Variants in OR5AN1 observed in about 807,000 individuals in gnomAD.
OR5AN1 encodes olfactory receptor family 5 subfamily AN member 1.
For missense variants in OR5AN1, 476 were observed against 368.9 expected (o/e 1.29, Z -2.38); for synonymous variants, 167 against 131.8 (o/e 1.27, Z -1.83).
At chr11:59,363,824 A>G (rs1009278482) in intron 1 of OR5AN1, among the ~76,000 whole-genome samples, 2 of 152,184 alleles carry the variant, frequency 1.3e-5, no homozygotes, top group Non-Finnish European at 2.9e-5. Context: ...GAGCAGCAGC[A>G]TGATCTCACC....
chr11:59,371,685 T>C lies in OR5AN1; in HGVS notation c.*6291T>C, dbSNP rs567320036. 17 of 152,314 alleles carry C rather than the reference T, an allele frequency of 1.1e-4. No individual in the cohort carries two copies. The highest frequency in any genetic ancestry group is 4.1e-4 in the African/African-American group (17 of 41,574). The allele number at this position is 152,314 out of a possible 1,614,324, so 9.4% of individuals were successfully genotyped here. A position where few individuals can be genotyped will look rare whatever the true frequency, so the allele number is the denominator to read the frequency against. ...CCAGGGACAAATTTGGAAAAAATTATAGGATAGGCAACAGATAAAGGTATG... is the reference window on the plus strand; with the variant it reads ...CCAGGGACAAATTTGGAAAAAATTACAGGATAGGCAACAGATAAAGGTATG... On this transcript the variant is annotated 3_prime_UTR_variant, in exon 2 of 2. Transcript: ENST00000641998.
At position 59,367,563 on chromosome 11, in the gene OR5AN1, A is replaced by G. The variant is rs1159143069; in HGVS notation, c.*2169A>G. ...CACTGGCTTGGAATTCCAGACAGCT[A>G]CCAGTAGTGGCATTGTACCTCCCTA... On this transcript the variant is annotated 3_prime_UTR_variant, in exon 2 of 2. Coordinates refer to ENST00000641998, the MANE Select transcript of OR5AN1 (RefSeq NM_001004729.2). 1 of 152,274 alleles carries G rather than the reference A, an allele frequency of 6.6e-6. No homozygotes were observed. The highest frequency in any genetic ancestry group is 1.5e-5 in the Non-Finnish European group (1 of 68,108). The allele number at this position is 152,274 out of a possible 1,614,324, so 9.4% of individuals were successfully genotyped here. A position where few individuals can be genotyped will look rare whatever the true frequency, so the allele number is the denominator to read the frequency against.
In OR5AN1 at chr11:59,368,910, G is replaced by A. The variant is rs182168462; in HGVS notation, c.*3516G>A. On this transcript the variant is annotated 3_prime_UTR_variant, in exon 2 of 2. Transcript: ENST00000641998. ...ACAGCTGCAAATGTGAGGAAACATA[G>A]GGGAGCCACACAACAGAACAAGAGT... 7 of 152,324 alleles carry A rather than the reference G, an allele frequency of 4.6e-5. No individual in the cohort carries two copies. The East Asian group carries it at 1.4e-3, about 29-fold the overall frequency. 9.4% of individuals were successfully genotyped at this position (152,324 alleles called of 1,614,324 possible). A position where few individuals can be genotyped will look rare whatever the true frequency, so the allele number is the denominator to read the frequency against.
chr11:59,365,482 AT>A lies in OR5AN1; in HGVS notation c.*90del. ...ATGATAATGAATGGACTATAACAAA[AT>A]TCATGCTGCCTACTGCCTTTGGACA... On this transcript the variant is annotated 3_prime_UTR_variant, in exon 2 of 2. Coordinates refer to ENST00000641998, the MANE Select transcript of OR5AN1 (RefSeq NM_001004729.2). 1 of 785,684 alleles carries A rather than the reference AT, an allele frequency of 1.3e-6. No homozygotes were observed. Among genetic ancestry groups the A allele is most frequent in the Non-Finnish European group, 2.0e-6 (1 of 501,534 alleles). 48.7% of individuals were successfully genotyped at this position (785,684 alleles called of 1,614,324 possible).
chr11:59,362,224 C>T (rs1857472714), intron 1 of OR5AN1, among the ~76,000 whole-genome samples: 1 of 152,072 alleles, frequency 6.6e-6, no homozygotes, highest in Non-Finnish European at 1.5e-5. Context: ...TATTTTCCCC[C>T]ATTCATCAAC....
chr11:59,363,001 A>G (rs559422687), intron 1 of OR5AN1, among the ~76,000 whole-genome samples: 2 of 151,444 alleles, frequency 1.3e-5, no homozygotes, highest in Admixed American at 1.3e-4. Context: ...TGGCATGGAC[A>G]CTAGGTCTCA....
rs1857574311 is a variant in OR5AN1 at position 59,369,829 on chromosome 11, T to A, written c.*4435T>A. 6.6e-6 allele frequency: 1 copy of A among 151,894 alleles called. No individual in the cohort carries two copies. The highest frequency in any genetic ancestry group is 1.5e-5 in the Non-Finnish European group (1 of 67,966). 9.4% of individuals were successfully genotyped at this position (151,894 alleles called of 1,614,324 possible). A position where few individuals can be genotyped will look rare whatever the true frequency, so the allele number is the denominator to read the frequency against. ...CACATAATCATTATGTTTTCCAAGG[T>A]CAAAATAAAAGAATGTTAAAGGCAG... On this transcript the variant is annotated 3_prime_UTR_variant, in exon 2 of 2. Coordinates refer to ENST00000641998, the MANE Select transcript of OR5AN1 (RefSeq NM_001004729.2).
chr11:59,360,225 AG>A (rs1857448708), intron 1 of OR5AN1: 1 of 152,206 alleles, frequency 6.6e-6, no homozygotes, highest in African/African-American at 2.4e-5. Flanking sequence ...GTAATAAAAA[AG>A]TAAAGAGTTT....
intron 1 of OR5AN1, among the ~76,000 whole-genome samples, chr11:59,363,195 C>T (rs968497155): frequency 7.9e-5 from 12 of 152,220 alleles, no homozygotes; most frequent in African/African-American, 2.9e-4. Flanking sequence ...TGAACAATTG[C>T]TGTATACGTA....
Position 59,359,064 on chromosome 11 carries a change from G to A in OR5AN1, c.-222G>A, listed in dbSNP as rs1857436092. 6.6e-6 allele frequency: 1 copy of A among 152,156 alleles called. No homozygotes were observed. Among genetic ancestry groups the A allele is most frequent in the Non-Finnish European group, 1.5e-5 (1 of 68,020 alleles). The allele number at this position is 152,156 out of a possible 1,614,324, so 9.4% of individuals were successfully genotyped here. On this transcript the variant is annotated 5_prime_UTR_variant, in exon 1 of 2. Transcript: ENST00000641998. The stretch of plus-strand genomic sequence containing the variant: ...GGTAAAGGTCACAGGACAAGACTTA[G>A]AACAGTGGATTCTGTACCGTCTCAA...
chr11:59,361,997 T>C (rs1857469844), intron 1 of OR5AN1, among the ~76,000 whole-genome samples: 2 of 151,944 alleles, frequency 1.3e-5, no homozygotes, highest in South Asian at 4.2e-4. Context: ...TGTGTGTGTG[T>C]GTGTGTGTGT....
At chr11:59,364,134 T>A (rs1223839897) in intron 1 of OR5AN1, among the ~76,000 whole-genome samples, 2 of 152,216 alleles carry the variant, frequency 1.3e-5, no homozygotes, top group African/African-American at 4.8e-5. Flanking sequence ...AAAACTATTA[T>A]CTTAATTAGT....
At position 59,359,017 on chromosome 11, in the gene OR5AN1, C is replaced by A. The variant is rs548942941; in HGVS notation, c.-269C>A. 1.3e-5 allele frequency: 2 copies of A among 152,200 alleles called. No individual in the cohort carries two copies. Among genetic ancestry groups the A allele is most frequent in the Admixed American group, 6.5e-5 (1 of 15,284 alleles). 9.4% of individuals were successfully genotyped at this position (152,200 alleles called of 1,614,324 possible). A position where few individuals can be genotyped will look rare whatever the true frequency, so the allele number is the denominator to read the frequency against. On this transcript the variant is annotated 5_prime_UTR_variant, in exon 1 of 2. Coordinates refer to ENST00000641998, the MANE Select transcript of OR5AN1 (RefSeq NM_001004729.2). ...AAGCAATTTCAACCTTTGGCAAGAA[C>A]CCTGTCTTCTTGGAGGACCTGGGTA... is the stretch of plus-strand genomic sequence containing the variant.
chr11:59,360,493 T>G (rs896817872), intron 1 of OR5AN1, among the ~76,000 whole-genome samples: 2 of 152,228 alleles, frequency 1.3e-5, no homozygotes, highest in African/African-American at 4.8e-5. Flanking sequence ...GTAAATGTGT[T>G]TCATGGTGGT....
At position 59,361,425 on chromosome 11, in the gene OR5AN1, C is replaced by T. The variant is rs138341787; in HGVS notation, c.-14+2153C>T. On this transcript the variant is annotated intron_variant, in intron 1 of 1. Coordinates refer to ENST00000641998, the MANE Select transcript of OR5AN1 (RefSeq NM_001004729.2). ...CCTCCCAAGTAGGTGGGACTACAGGCGTGCGCCACAAAGCCTGGCTAATTT... is the reference window on the plus strand; with the variant it reads ...CCTCCCAAGTAGGTGGGACTACAGGTGTGCGCCACAAAGCCTGGCTAATTT... 2.1e-3 allele frequency among the ~76,000 whole-genome samples: 319 copies of T among 152,216 alleles called. 2 individuals are homozygous for T. Among genetic ancestry groups the T allele is most frequent in the African/African-American group, 7.0e-3 (290 of 41,524 alleles).
Position 59,367,251 on chromosome 11 carries a change from T to G in OR5AN1, c.*1857T>G, listed in dbSNP as rs998152261. 6.6e-6 allele frequency: 1 copy of G among 152,318 alleles called. No individual in the cohort carries two copies. Among genetic ancestry groups the G allele is most frequent in the Non-Finnish European group, 1.5e-5 (1 of 68,088 alleles). The allele number at this position is 152,318 out of a possible 1,614,324, so 9.4% of individuals were successfully genotyped here. A position where few individuals can be genotyped will look rare whatever the true frequency, so the allele number is the denominator to read the frequency against. On this transcript the variant is annotated 3_prime_UTR_variant, in exon 2 of 2. Coordinates refer to ENST00000641998, the MANE Select transcript of OR5AN1 (RefSeq NM_001004729.2). The stretch of plus-strand genomic sequence containing the variant: ...AACAGAAGGGGTGAGCATTAGGTCT[T>G]TGCAACCCTCAAGTCAGGAGATCTC...
rs1460950045 is a variant in OR5AN1, at chr11:59,365,691, A to G, written c.*297A>G. 3.7e-6 allele frequency: 1 copy of G among 272,900 alleles called. No individual in the cohort carries two copies. Among genetic ancestry groups the G allele is most frequent in the Non-Finnish European group, 6.8e-6 (1 of 146,056 alleles). 16.9% of individuals were successfully genotyped at this position (272,900 alleles called of 1,614,324 possible). A position where few individuals can be genotyped will look rare whatever the true frequency, so the allele number is the denominator to read the frequency against. ...ATTTGTGAAACAACAAGATTTAGAA[A>G]TCTTTTGTTTCCTGTGGCTTCTCAG... On this transcript the variant is annotated 3_prime_UTR_variant, in exon 2 of 2. Transcript: ENST00000641998.
At chr11:59,360,803 G>A (rs901659893) in intron 1 of OR5AN1, among the ~76,000 whole-genome samples, 8 of 152,024 alleles carry the variant, frequency 5.3e-5, no homozygotes, top group African/African-American at 1.7e-4. Context: ...TCCTTTTTAT[G>A]GCTATTCTAA....
intron 1 of OR5AN1, among the ~76,000 whole-genome samples, chr11:59,360,591 C>A (rs1448916652): frequency 6.6e-6 from 1 of 152,110 alleles, no homozygotes; most frequent in Non-Finnish European, 1.5e-5. Context: ...CTCACTCCAC[C>A]CCCTGACAGG....
Sources: gnomAD v4.1 joint callset for allele counts (sites outside exome capture counted in the v4.1 genomes callset) on GRCh38, gnomAD v4.1.1 for gene constraint, MANE v1.5 for transcripts, NCBI Gene and HGNC (gene_info 2026-07-23, HGNC 2026-07-21) for gene names.